PLCL2: variants seen among roughly 807,000 people sequenced by gnomAD.
PLCL2 encodes the protein inactive phospholipase C-like protein 2.
In PLCL2, 4 loss-of-function variants were observed where a neutral mutation model predicts 79.6. The ratio of observed to expected loss-of-function variants is 0.05; its 90% confidence interval spans 0.02 to 0.11. The LOEUF (loss-of-function observed/expected upper bound fraction) is 0.11, where lower values mean the gene tolerates loss of function less well. PLCL2 is among the 10% of genes least tolerant of loss of function. The pLI, the probability that PLCL2 is intolerant of heterozygous loss-of-function variation, is 1.00. For synonymous variants in PLCL2, 484 were observed against 457.7 expected (o/e 1.06, Z -0.73); for missense variants, 895 against 1,291.0 (o/e 0.69, Z 4.70).
intron 1 of PLCL2, among the ~76,000 whole-genome samples, chr3:16,967,225 C>T (rs759905358): frequency 7.9e-5 from 12 of 152,104 alleles, no homozygotes; most frequent in Non-Finnish European, 1.3e-4. Flanking sequence ...CTGCAGTGAA[C>T]AAACACATGC....
chr3:17,039,675 A>T (rs1170473527), intron 3 of PLCL2, among the ~76,000 whole-genome samples: 1 of 152,146 alleles, frequency 6.6e-6, no homozygotes, highest in East Asian at 1.9e-4. Flanking sequence ...AGCTTTGCTC[A>T]TTGTTTACTA....
intron 5 of PLCL2, among the ~76,000 whole-genome samples, chr3:17,082,962 T>G (rs1195256799): frequency 6.6e-6 from 1 of 152,210 alleles, no homozygotes; most frequent in African/African-American, 2.4e-5. Flanking sequence ...CATTTTACTT[T>G]AATTACAATA....
intron 1 of PLCL2, among the ~76,000 whole-genome samples, chr3:16,969,385 G>A (rs1271089814): frequency 6.6e-6 from 1 of 151,940 alleles, no homozygotes; most frequent in Non-Finnish European, 1.5e-5. Flanking sequence ...GCTTTTTCTA[G>A]TTCGTAGGCT....
intron 1 of PLCL2, among the ~76,000 whole-genome samples, chr3:16,961,177 G>A (rs1025049821): frequency 1.3e-5 from 2 of 152,202 alleles, no homozygotes; most frequent in Non-Finnish European, 2.9e-5. Context: ...CGATTTCATT[G>A]TATACTCGTG....
At chr3:17,089,509 A>C (rs1323055237) in intron 5 of PLCL2, among the ~76,000 whole-genome samples, 1 of 152,226 alleles carries the variant, frequency 6.6e-6, no homozygotes, top group Non-Finnish European at 1.5e-5. Context: ...CTATAAATAG[A>C]AAGGGCCAGA....
At chr3:17,046,746 A>G (rs1162293519) in intron 4 of PLCL2, among the ~76,000 whole-genome samples, 1 of 152,112 alleles carries the variant, frequency 6.6e-6, no homozygotes. Flanking sequence ...TTAGCTGCCC[A>G]CTCAGGAACC....
At chr3:17,008,567 T>C (rs1289506635) in intron 1 of PLCL2, among the ~76,000 whole-genome samples, 2 of 152,020 alleles carry the variant, frequency 1.3e-5, no homozygotes, top group African/African-American at 4.8e-5. Flanking sequence ...GCAATCTGCA[T>C]TGTAACCAGG....
In PLCL2 at chr3:16,910,913, G is replaced by A. The variant is rs557549565; in HGVS notation, c.327+25547G>A. ...CAACAAACACTTTGGTTTTATCTTC[G>A]AGATATAACTAGTGATAGTGTGCTG... On this transcript the variant is annotated intron_variant, in intron 1 of 5. Coordinates refer to ENST00000615277, the MANE Select transcript of PLCL2 (RefSeq NM_001144382.2). Among the ~76,000 whole-genome samples, 18 of 152,070 alleles carry A rather than the reference G, an allele frequency of 1.2e-4. 1 individual carries two copies. The highest frequency in any genetic ancestry group is 1.2e-3 in the East Asian group (6 of 5,170).
intron 1 of PLCL2, among the ~76,000 whole-genome samples, chr3:16,893,800 T>TG (rs1696407077): frequency 6.6e-6 from 1 of 152,250 alleles, no homozygotes; most frequent in African/African-American, 2.4e-5. Context: ...TGTGTACACA[T>TG]GCTATACTTG....
At chr3:16,926,766 A>G (rs1697263861) in intron 1 of PLCL2, among the ~76,000 whole-genome samples, 1 of 151,858 alleles carries the variant, frequency 6.6e-6, no homozygotes, top group African/African-American at 2.4e-5. Context: ...CGAGTAGCTG[A>G]GACTACAGGC....
chr3:16,990,333 T>C (rs893418986), intron 1 of PLCL2, among the ~76,000 whole-genome samples: 5 of 152,272 alleles, frequency 3.3e-5, no homozygotes, highest in African/African-American at 1.2e-4. Context: ...TGACACCCAG[T>C]CTTTTTCACT....
At chr3:17,039,976 A>T (rs976701318) in intron 3 of PLCL2, among the ~76,000 whole-genome samples, 1 of 152,224 alleles carries the variant, frequency 6.6e-6, no homozygotes, top group Non-Finnish European at 1.5e-5. Flanking sequence ...TCACCATTAA[A>T]TATCCTGCCA....
chr3:16,960,206 A>G (rs112233562), intron 1 of PLCL2, among the ~76,000 whole-genome samples: 109 of 152,320 alleles, frequency 7.2e-4, no homozygotes, highest in Middle Eastern at 6.8e-3. Context: ...GACAACCTTT[A>G]TTAGTGATTT....
chr3:17,068,918 C>T (rs1256318072), intron 5 of PLCL2, among the ~76,000 whole-genome samples: 2 of 152,112 alleles, frequency 1.3e-5, no homozygotes, highest in African/African-American at 4.8e-5. Flanking sequence ...AGGTCTTGGA[C>T]AATTAATAAA....
At chr3:16,906,510 T>G (rs1009822221) in intron 1 of PLCL2, among the ~76,000 whole-genome samples, 2 of 152,182 alleles carry the variant, frequency 1.3e-5, no homozygotes, top group Admixed American at 6.5e-5. Flanking sequence ...TTTCAAAATT[T>G]TAATCAAATT....
At chr3:16,953,502 C>T (rs2063671646) in intron 1 of PLCL2, among the ~76,000 whole-genome samples, 1 of 152,098 alleles carries the variant, frequency 6.6e-6, no homozygotes, top group Non-Finnish European at 1.5e-5. Flanking sequence ...GATCACTGCC[C>T]TTGAAGAGCT....
At chr3:17,077,274 T>A (rs555755459) in intron 5 of PLCL2, among the ~76,000 whole-genome samples, 106 of 152,332 alleles carry the variant, frequency 7.0e-4, no homozygotes, top group African/African-American at 2.5e-3. Flanking sequence ...CACTTCCAAC[T>A]TTTCCTGTGT....
intron 1 of PLCL2, among the ~76,000 whole-genome samples, chr3:16,957,911 C>T (rs1403748831): frequency 1.3e-5 from 2 of 152,126 alleles, no homozygotes; most frequent in Non-Finnish European, 2.9e-5. Context: ...TTATTTTGAG[C>T]CTGTGTGTGT....
In PLCL2 at chr3:17,009,556, A is replaced by G. The variant is rs2064298186; in HGVS notation, c.328-118A>G. On this transcript the variant is annotated intron_variant, in intron 1 of 5. Coordinates refer to ENST00000615277, the MANE Select transcript of PLCL2 (RefSeq NM_001144382.2). The surrounding 1 kb of genome is among the most constrained non-coding windows in gnomAD (Gnocchi z 4.0). ...TGAGTATCATTCATCACAGGAATCT[A>G]GAATAGGAAATCTTAATAGTATGAT... 1 of 594,916 alleles carries G rather than the reference A, an allele frequency of 1.7e-6. No individual in the cohort carries two copies. The allele number at this position is 594,916 out of a possible 1,614,324, so 36.9% of individuals were successfully genotyped here.
Sources: gnomAD v4.1 joint callset for allele counts (sites outside exome capture counted in the v4.1 genomes callset) on GRCh38, gnomAD v4.1.1 for gene constraint, Gnocchi (gnomAD v3.1) non-coding constraint, MANE v1.5 for transcripts, NCBI Gene and HGNC (gene_info 2026-07-23, HGNC 2026-07-21) for gene names.